The following SCIMP variants were observed in gnomAD, a reference collection of about 807,000 sequenced individuals.
SCIMP encodes the protein SLP adaptor and CSK interacting membrane protein.
Under a neutral mutation model 22.0 loss-of-function variants are expected in SCIMP, and 18 were observed. The observed-to-expected ratio is 0.82, with a 90% CI of 0.56 to 1.21. The LOEUF is 1.21. Among genes scored for constraint, SCIMP ranks in the 50% most tolerant of loss-of-function variants. The pLI is 0.00. For synonymous variants in SCIMP, 53 were observed against 62.2 expected, an observed-to-expected ratio of 0.85 and a Z score of 0.70; for missense variants, 155 against 171.2, an observed-to-expected ratio of 0.91 and a Z score of 0.53.
chr17:5,222,686 T>C (rs2074617261), intron 2 of SCIMP, among the ~76,000 whole-genome samples: 1 of 151,946 alleles, frequency 6.6e-6, no homozygotes, highest in African/African-American at 2.4e-5. Context: ...TTTTTTGATA[T>C]GGAGTCTCAC....
rs1429082141 is a variant in SCIMP at position 5,214,859 on chromosome 17, AAAAG to A, written c.283+62_283+65del. ...CATCTAAAAAAAAAAAAAAAAAAAA[AAAAG>A]ACACCTTGATAAACTCGTTATCTTA... On this transcript the variant is annotated intron_variant, in intron 4 of 4. Transcript: ENST00000574081. 31 of 800,152 alleles carry A rather than the reference AAAAG, an allele frequency of 3.9e-5. No homozygotes were observed. The East Asian group carries it at 5.8e-4, about 15-fold the overall frequency. 49.6% of individuals were successfully genotyped at this position (800,152 alleles called of 1,614,324 possible).
At chr17:5,228,858 A>G (rs2074672277) in intron 1 of SCIMP, among the ~76,000 whole-genome samples, 1 of 152,148 alleles carries the variant, frequency 6.6e-6, no homozygotes, top group South Asian at 2.1e-4. Flanking sequence ...CATACCATAC[A>G]TATCTGTGAA....
chr17:5,211,449 A>C (rs2074525088), intron 4 of SCIMP, among the ~76,000 whole-genome samples: 1 of 151,782 alleles, frequency 6.6e-6, no homozygotes, highest in Non-Finnish European at 1.5e-5. Context: ...TCCTGAGCCC[A>C]GGAGGTTAAG....
intron 3 of SCIMP, among the ~76,000 whole-genome samples, chr17:5,219,748 C>T (rs954823218): frequency 1.3e-5 from 2 of 152,104 alleles, no homozygotes; most frequent in Non-Finnish European, 2.9e-5. Flanking sequence ...GGCCCTGGGC[C>T]ATGTTTGATC....
intron 3 of SCIMP, among the ~76,000 whole-genome samples, chr17:5,219,842 G>A (rs950861984): frequency 6.6e-6 from 1 of 152,090 alleles, no homozygotes; most frequent in Non-Finnish European, 1.5e-5. Flanking sequence ...CAAGGCTCAG[G>A]TGAGGTTCTC....
At chr17:5,232,078 T>C (rs1320566630) in intron 1 of SCIMP, among the ~76,000 whole-genome samples, 1 of 147,760 alleles carries the variant, frequency 6.8e-6, no homozygotes, top group Non-Finnish European at 1.5e-5. Flanking sequence ...AAAAAACTGG[T>C]CACCTCAGTG....
chr17:5,216,104 G>A (rs2074563900), intron 3 of SCIMP, among the ~76,000 whole-genome samples: 1 of 152,136 alleles, frequency 6.6e-6, no homozygotes, highest in Admixed American at 6.6e-5. Context: ...TCAGGAGACT[G>A]AAGCAAGAGG....
chr17:5,228,644 C>CA (rs1019636979), intron 1 of SCIMP, among the ~76,000 whole-genome samples: 193 of 144,966 alleles, frequency 1.3e-3, no homozygotes, highest in East Asian at 3.4e-3. Flanking sequence ...GACCCTGTCT[C>CA]AAAAAAAAAA....
chr17:5,210,632 AG>A lies in SCIMP; in HGVS notation c.*168del. 2.5e-6 allele frequency: 2 copies of A among 798,864 alleles called. No homozygotes were observed. Among genetic ancestry groups the A allele is most frequent in the South Asian group, 2.0e-5 (1 of 48,816 alleles). 49.5% of individuals were successfully genotyped at this position (798,864 alleles called of 1,614,324 possible). A position where few individuals can be genotyped will look rare whatever the true frequency, so the allele number is the denominator to read the frequency against. On this transcript the variant is annotated 3_prime_UTR_variant, in exon 5 of 5. Coordinates refer to ENST00000574081, the MANE Select transcript of SCIMP (RefSeq NM_207103.3). ...CCTCTGGCTGCAGTCATCCGATCGC[AG>A]GGGTGTCTTCATCTAAGGTTTGGGA... is the stretch of plus-strand genomic sequence containing the variant.
intron 1 of SCIMP, among the ~76,000 whole-genome samples, chr17:5,229,297 A>G (rs992829810): frequency 6.7e-6 from 1 of 149,372 alleles, no homozygotes; most frequent in Non-Finnish European, 1.5e-5. Context: ...CTTCACTTTC[A>G]TTTCTCCAAA....
chr17:5,210,980 G>A, intron 4 of SCIMP, 25 bp from the exon 5 acceptor site: 1 of 1,585,256 alleles, frequency 6.3e-7, no homozygotes, highest in South Asian at 1.2e-5. Context: ...AAGCTCCTTA[G>A]ATGCAAAGCT....
intron 1 of SCIMP, chr17:5,233,752 G>A (rs7225151): frequency 0.15 from 22,566 of 152,232 alleles, 1,944 homozygotes; most frequent in African/African-American, 0.23. Flanking sequence ...TCAGGGACAA[G>A]TGGACACACC....
rs1900063173 is a variant in SCIMP at position 5,210,051 on chromosome 17, C to G, written c.*750G>C. The G allele has an allele frequency of 6.6e-6, 1 of 152,148 alleles. No individual in the cohort carries two copies. The highest frequency in any genetic ancestry group is 1.5e-5 in the Non-Finnish European group (1 of 68,042). 9.4% of individuals were successfully genotyped at this position (152,148 alleles called of 1,614,324 possible). ...TGTAGCACCCCCAACACACCTATTG[C>G]AAAATGATGCTTCTAGGTGTAAATC... On this transcript the variant is annotated 3_prime_UTR_variant, in exon 5 of 5. Transcript: ENST00000574081.
Position 5,209,892 on chromosome 17 carries a change from T to G in SCIMP, c.*909A>C, listed in dbSNP as rs911962461. 7 of 152,288 alleles carry G rather than the reference T, an allele frequency of 4.6e-5. No individual in the cohort carries two copies. The East Asian group carries it at 5.8e-4, about 13-fold the overall frequency. 9.4% of individuals were successfully genotyped at this position (152,288 alleles called of 1,614,324 possible). ...GGGCTTGAGGCTGTTTTCCTAGAAC[T>G]CGAGTAAGTACTGATGAAAATGATG... On this transcript the variant is annotated 3_prime_UTR_variant, in exon 5 of 5. Transcript: ENST00000574081.
chr17:5,221,071 A>AG, intron 3 of SCIMP: 1 of 610,882 alleles, frequency 1.6e-6, no homozygotes, highest in Non-Finnish European at 3.0e-6. Context: ...AAAAAAAAAA[A>AG]GAGAGAGAGA....
At chr17:5,229,533 A>G (rs910551285) in intron 1 of SCIMP, among the ~76,000 whole-genome samples, 1 of 151,430 alleles carries the variant, frequency 6.6e-6, no homozygotes, top group Non-Finnish European at 1.5e-5. Flanking sequence ...AGCTGGGACT[A>G]CAGTCGCACG....
intron 1 of SCIMP, among the ~76,000 whole-genome samples, chr17:5,227,589 G>C (rs952083056): frequency 6.6e-6 from 1 of 152,168 alleles, no homozygotes; most frequent in Non-Finnish European, 1.5e-5. Flanking sequence ...GAAGGGGCTT[G>C]GGGGCAGGAA....
intron 3 of SCIMP, among the ~76,000 whole-genome samples, chr17:5,218,709 G>C (rs1471325499): frequency 6.6e-6 from 1 of 152,166 alleles, no homozygotes; most frequent in Non-Finnish European, 1.5e-5. Context: ...ATTCTTGAAA[G>C]GGATCAGAAT....
rs2074515428 is a variant in SCIMP at position 5,210,014 on chromosome 17, A to G, written c.*787T>C. 1 of 152,124 alleles carries G rather than the reference A, an allele frequency of 6.6e-6. No homozygotes were observed. Among genetic ancestry groups the G allele is most frequent in the African/African-American group, 2.4e-5 (1 of 41,422 alleles). 9.4% of individuals were successfully genotyped at this position (152,124 alleles called of 1,614,324 possible). On this transcript the variant is annotated 3_prime_UTR_variant, in exon 5 of 5. Transcript: ENST00000574081. ...TTCCCCATGATTTGTCCTGGGGGAA[A>G]TGTATTTTTCCTGTAGCACCCCCAA...
Sources: allele counts gnomAD v4.1 joint callset (sites outside exome capture counted in the v4.1 genomes callset), GRCh38; gene constraint gnomAD v4.1.1; transcripts MANE v1.5; gene names NCBI Gene and HGNC (gene_info 2026-07-23, HGNC 2026-07-21).